RBFOX1: variants seen among roughly 807,000 people sequenced by gnomAD.
RBFOX1 encodes RNA binding protein fox-1 homolog 1.
A neutral mutation model predicts 57.7 loss-of-function variants in RBFOX1; 8 were observed. The ratio of observed to expected loss-of-function variants is 0.14; its 90% CI spans 0.08 to 0.25. The LOEUF (loss-of-function observed/expected upper bound fraction) is 0.25. RBFOX1 is among the 10% of genes least tolerant of loss of function. The probability of loss-of-function intolerance (pLI) is 1.00; values close to 1 mark genes in which losing one functional copy is unlikely to be tolerated. For synonymous variants in RBFOX1, 326 were observed against 222.4 expected (o/e 1.47, Z -4.15); for missense variants, 611 against 548.5 (o/e 1.11, Z -1.14).
chr16:6,287,881 A>T (rs964642270), intron 1 of RBFOX1, among the ~76,000 whole-genome samples: 2 of 152,174 alleles, frequency 1.3e-5, no homozygotes, highest in Admixed American at 6.6e-5. Context: ...TCACATCTTC[A>T]GATAAGCTTT....
At chr16:6,821,567 A>G (rs544295324) in intron 3 of RBFOX1, among the ~76,000 whole-genome samples, 1 of 152,034 alleles carries the variant, frequency 6.6e-6, no homozygotes, top group African/African-American at 2.4e-5. Context: ...TCTCCCCCCA[A>G]CCGCTGGTAA....
intron 3 of RBFOX1, among the ~76,000 whole-genome samples, chr16:5,777,968 G>A (rs115590694): frequency 0.037 from 5,570 of 152,080 alleles, 318 homozygotes; most frequent in African/African-American, 0.12. Flanking sequence ...ATGTGGTCAC[G>A]TCCTCATTTT....
At chr16:7,360,232 A>T (rs1481158683) in intron 4 of RBFOX1, among the ~76,000 whole-genome samples, 2 of 152,164 alleles carry the variant, frequency 1.3e-5, no homozygotes, top group African/African-American at 4.8e-5. Flanking sequence ...CATTTAATAA[A>T]CCTAGAAATG....
chr16:6,545,143 G>A (rs1024616090), intron 2 of RBFOX1, among the ~76,000 whole-genome samples: 5 of 152,018 alleles, frequency 3.3e-5, no homozygotes, highest in South Asian at 2.1e-4. Context: ...TTTCCCTAGC[G>A]CCATTTTTGC....
chr16:5,836,456 C>T (rs755342481), intron 3 of RBFOX1, among the ~76,000 whole-genome samples: 50 of 152,332 alleles, frequency 3.3e-4, no homozygotes, highest in Non-Finnish European at 5.9e-4. Flanking sequence ...CCCTGTTCTG[C>T]TCCCCATCTC....
intron 4 of RBFOX1, among the ~76,000 whole-genome samples, chr16:7,081,029 C>T (rs1398212863): frequency 6.6e-6 from 1 of 152,154 alleles, no homozygotes; most frequent in Non-Finnish European, 1.5e-5. Flanking sequence ...GCCGTAGCCA[C>T]ACTGGCTTTA....
At chr16:5,267,271 T>C (rs1333311324) in intron 1 of RBFOX1, among the ~76,000 whole-genome samples, 1 of 151,320 alleles carries the variant, frequency 6.6e-6, no homozygotes, top group Non-Finnish European at 1.5e-5. Flanking sequence ...TAAACATTAA[T>C]TCTGTTACAA....
At chr16:5,968,330 C>G (rs1407045848) in intron 4 of RBFOX1, among the ~76,000 whole-genome samples, 1 of 152,180 alleles carries the variant, frequency 6.6e-6, no homozygotes, top group Non-Finnish European at 1.5e-5. Context: ...CCGCCTCAGC[C>G]TCCCCAAGTG....
chr16:6,613,418 C>T lies in RBFOX1; in HGVS notation c.-63-41185C>T, dbSNP rs901510548. On this transcript the variant is annotated intron_variant, in intron 2 of 15. Coordinates refer to ENST00000550418, the MANE Select transcript of RBFOX1 (RefSeq NM_018723.4). Reference sequence around the variant, plus strand: ...AAAGCGGGGGAATGATTTCTGTATACGGTGTGGTGTTTAGTACGTGAAACC... The same window carrying T: ...AAAGCGGGGGAATGATTTCTGTATATGGTGTGGTGTTTAGTACGTGAAACC... Among the ~76,000 whole-genome samples, 16 of 152,146 alleles carry T rather than the reference C, an allele frequency of 1.1e-4. No individual in the cohort carries two copies. The East Asian group carries it at 1.7e-3, about 17-fold the overall frequency.
intron 3 of RBFOX1, among the ~76,000 whole-genome samples, chr16:7,041,855 G>C (rs910804312): frequency 6.6e-6 from 1 of 152,134 alleles, no homozygotes; most frequent in Non-Finnish European, 1.5e-5. Flanking sequence ...TAAGTGCTTT[G>C]CTTAGTAATT....
chr16:5,519,492 G>A (rs2043928002), intron 2 of RBFOX1, among the ~76,000 whole-genome samples: 2 of 152,190 alleles, frequency 1.3e-5, no homozygotes, highest in Non-Finnish European at 2.9e-5. Flanking sequence ...GGGAAGCTGA[G>A]ATGGGAGGAT....
chr16:5,940,438 G>T (rs2059256188), intron 4 of RBFOX1, among the ~76,000 whole-genome samples: 1 of 152,206 alleles, frequency 6.6e-6, no homozygotes, highest in African/African-American at 2.4e-5. Context: ...ACTGAGAATT[G>T]GAGGGACCTT....
At position 6,954,024 on chromosome 16, in the gene RBFOX1, A is replaced by T. The variant is rs971234142; in HGVS notation, c.-15-98033A>T. 7.2e-5 allele frequency among the ~76,000 whole-genome samples: 11 copies of T among 152,176 alleles called. 1 individual carries two copies. The highest frequency in any genetic ancestry group is 2.2e-4 in the African/African-American group (9 of 41,442). The stretch of plus-strand genomic sequence containing the variant: ...ACATGTCAAGACAAGGTATTGAGCC[A>T]GGCGCATATACCCCTAATATGGCAA... On this transcript the variant is annotated intron_variant, in intron 3 of 15. Coordinates refer to ENST00000550418, the MANE Select transcript of RBFOX1 (RefSeq NM_018723.4).
At chr16:6,957,200 CG>C (rs1274252032) in intron 3 of RBFOX1, among the ~76,000 whole-genome samples, 1 of 149,280 alleles carries the variant, frequency 6.7e-6, no homozygotes, top group Non-Finnish European at 1.5e-5. Flanking sequence ...GGTGTGATCT[CG>C]GCTCACTGCA....
intron 4 of RBFOX1, among the ~76,000 whole-genome samples, chr16:7,190,585 G>C (rs1304901826): frequency 2.6e-5 from 4 of 152,022 alleles, no homozygotes; most frequent in African/African-American, 4.8e-5. Flanking sequence ...AGGTTGCTAA[G>C]AGGGTAGGTG....
At chr16:6,482,550 A>G (rs1278217084) in intron 2 of RBFOX1, among the ~76,000 whole-genome samples, 2 of 152,248 alleles carry the variant, frequency 1.3e-5, no homozygotes, top group Admixed American at 1.3e-4. Flanking sequence ...CAAGGTACAC[A>G]TATTTAAAAG....
At chr16:6,158,895 C>A (rs138260408) in intron 1 of RBFOX1, among the ~76,000 whole-genome samples, 1 of 140,478 alleles carries the variant, frequency 7.1e-6, no homozygotes, top group African/African-American at 2.7e-5. Flanking sequence ...GGTGAAATTT[C>A]TCTGTCATAG....
chr16:6,336,963 C>G (rs2083849981), intron 2 of RBFOX1, among the ~76,000 whole-genome samples: 1 of 152,146 alleles, frequency 6.6e-6, no homozygotes, highest in Non-Finnish European at 1.5e-5. Flanking sequence ...TCGAGTTTTT[C>G]TTTGTGATCC....
intron 1 of RBFOX1, among the ~76,000 whole-genome samples, chr16:5,290,834 G>C (rs1244784074): frequency 5.3e-5 from 8 of 152,064 alleles, no homozygotes; most frequent in Non-Finnish European, 1.0e-4. Context: ...GAGTAGCTGG[G>C]ATTACAGGCA....
Sources: allele counts gnomAD v4.1 joint callset (sites outside exome capture counted in the v4.1 genomes callset), GRCh38; gene constraint gnomAD v4.1.1; transcripts MANE v1.5; gene names NCBI Gene and HGNC (gene_info 2026-07-23, HGNC 2026-07-21).